HS3ST5: variants seen among roughly 807,000 people sequenced by gnomAD.
The protein encoded by HS3ST5 is heparan sulfate-glucosamine 3-sulfotransferase 5, also known as heparan sulfate glucosamine 3-O-sulfotransferase 5.
Under a neutral mutation model 25.4 loss-of-function variants are expected in HS3ST5, and 10 were observed. The ratio of observed to expected loss-of-function variants is 0.39; its 90% CI spans 0.24 to 0.67. The LOEUF is 0.67. Among genes scored for constraint, HS3ST5 ranks in the 30% least tolerant of loss-of-function variants. The probability of loss-of-function intolerance (pLI) is 0.44; values close to 1 mark genes in which losing one functional copy is unlikely to be tolerated. For synonymous variants in HS3ST5, 170 were observed against 162.4 expected, an observed-to-expected ratio of 1.05 and a Z score of -0.36; for missense variants, 324 against 420.7, an observed-to-expected ratio of 0.77 and a Z score of 2.01.
At chr6:114,154,488 T>C (rs1778605021) in intron 3 of HS3ST5, among the ~76,000 whole-genome samples, 1 of 152,244 alleles carries the variant, frequency 6.6e-6, no homozygotes, top group East Asian at 1.9e-4. Context: ...CAAGACTCCA[T>C]GTCTGTTGTT....
In HS3ST5 at chr6:114,184,268, A is replaced by G. The variant is rs192600868; in HGVS notation, c.-144-15806T>C. Among the ~76,000 whole-genome samples, 13 of 151,876 alleles carry G rather than the reference A, an allele frequency of 8.6e-5. 1 individual carries two copies. The highest frequency in any genetic ancestry group is 7.9e-4 in the Admixed American group (12 of 15,264). On this transcript the variant is annotated intron_variant, in intron 2 of 4. Coordinates refer to ENST00000312719, the MANE Select transcript of HS3ST5 (RefSeq NM_153612.4). Reference sequence around the variant, plus strand: ...CTTATAGTAAAATGTAATAGAGAAAAATGACTTGAAGACAGAATTATTAAG... The same window carrying G: ...CTTATAGTAAAATGTAATAGAGAAAGATGACTTGAAGACAGAATTATTAAG...
chr6:114,290,968 G>A (rs1310432291), intron 1 of HS3ST5, among the ~76,000 whole-genome samples: 3 of 152,002 alleles, frequency 2.0e-5, no homozygotes, highest in African/African-American at 7.3e-5. Flanking sequence ...GTGGAAAACT[G>A]GGGCTGGGAA....
intron 1 of HS3ST5, among the ~76,000 whole-genome samples, chr6:114,232,017 T>C (rs970116888): frequency 6.6e-6 from 1 of 152,228 alleles, no homozygotes; most frequent in African/African-American, 2.4e-5. Context: ...GATTCCTTTT[T>C]TGATTAAGCC....
chr6:114,253,447 A>T (rs1290861813), intron 1 of HS3ST5, among the ~76,000 whole-genome samples: 1 of 152,168 alleles, frequency 6.6e-6, no homozygotes, highest in East Asian at 1.9e-4. Context: ...GGAGTGGGGT[A>T]GGGAGAATCT....
intron 2 of HS3ST5, among the ~76,000 whole-genome samples, chr6:114,206,042 A>G: frequency 6.6e-6 from 1 of 152,062 alleles, no homozygotes; most frequent in Non-Finnish European, 1.5e-5. Context: ...CTCTATTTCT[A>G]TTCCATTTTT....
intron 2 of HS3ST5, among the ~76,000 whole-genome samples, chr6:114,177,555 A>T (rs894547798): frequency 6.6e-6 from 1 of 152,236 alleles, no homozygotes; most frequent in Non-Finnish European, 1.5e-5. Context: ...TTATTTCTAA[A>T]GTATGATGGC....
intron 3 of HS3ST5, among the ~76,000 whole-genome samples, chr6:114,152,256 G>A (rs2114962840): frequency 6.6e-6 from 1 of 152,130 alleles, no homozygotes; most frequent in South Asian, 2.1e-4. Context: ...ATAAATTTCA[G>A]TTTCTATTCT....
intron 3 of HS3ST5, among the ~76,000 whole-genome samples, chr6:114,145,891 T>C (rs185241008): frequency 6.6e-6 from 1 of 152,200 alleles, no homozygotes. Flanking sequence ...TTGTGGTAAG[T>C]GATCTTAATT....
intron 1 of HS3ST5, among the ~76,000 whole-genome samples, chr6:114,277,422 C>A (rs1773908625): frequency 3.6e-5 from 5 of 139,266 alleles, no homozygotes; most frequent in East Asian, 2.6e-4. Context: ...CGGTTTTTGA[C>A]ATTACTTTTA....
At chr6:114,093,515 G>C (rs935352165) in intron 3 of HS3ST5, among the ~76,000 whole-genome samples, 4 of 151,834 alleles carry the variant, frequency 2.6e-5, no homozygotes, top group African/African-American at 7.3e-5. Flanking sequence ...TGATATTACT[G>C]TTCATTTCGC....
chr6:114,164,697 G>A (rs1038550783), intron 3 of HS3ST5, among the ~76,000 whole-genome samples: 1 of 152,034 alleles, frequency 6.6e-6, no homozygotes, highest in Admixed American at 6.6e-5. Flanking sequence ...TGAAATAAAC[G>A]TATATAAGTC....
intron 3 of HS3ST5, among the ~76,000 whole-genome samples, chr6:114,110,431 T>C (rs560041894): frequency 6.6e-6 from 1 of 152,246 alleles, no homozygotes; most frequent in Non-Finnish European, 1.5e-5. Context: ...CATGACTCTG[T>C]GCCCAGGACC....
At chr6:114,063,717 C>A (rs921042287) in intron 3 of HS3ST5, among the ~76,000 whole-genome samples, 2 of 152,160 alleles carry the variant, frequency 1.3e-5, no homozygotes, top group Admixed American at 1.3e-4. Context: ...CGAAGTGATA[C>A]TTACTGAAGT....
At chr6:114,197,909 C>T (rs1469608678) in intron 2 of HS3ST5, among the ~76,000 whole-genome samples, 2 of 152,094 alleles carry the variant, frequency 1.3e-5, no homozygotes, top group South Asian at 4.1e-4. Flanking sequence ...TCCAAAGGAT[C>T]ACACTAGCTC....
chr6:114,129,429 G>T (rs1777220205), intron 3 of HS3ST5, among the ~76,000 whole-genome samples: 1 of 151,834 alleles, frequency 6.6e-6, no homozygotes. Flanking sequence ...CTAATTTTTT[G>T]TATTTTTAGT....
At chr6:114,218,822 T>G (rs1240477692) in intron 2 of HS3ST5, among the ~76,000 whole-genome samples, 1 of 152,310 alleles carries the variant, frequency 6.6e-6, no homozygotes, top group Non-Finnish European at 1.5e-5. Flanking sequence ...AAATCTATTT[T>G]TTTTTGCTTA....
At chr6:114,175,755 T>C (rs1005933448) in intron 2 of HS3ST5, among the ~76,000 whole-genome samples, 1 of 152,224 alleles carries the variant, frequency 6.6e-6, no homozygotes, top group East Asian at 1.9e-4. Flanking sequence ...CAGAATGTTA[T>C]CGTCCACAGC....
At chr6:114,118,330 T>C (rs1317347217) in intron 3 of HS3ST5, among the ~76,000 whole-genome samples, 3 of 152,190 alleles carry the variant, frequency 2.0e-5, no homozygotes, top group Non-Finnish European at 4.4e-5. Context: ...CTGATCTATA[T>C]ATAGTCAGGC....
intron 1 of HS3ST5, among the ~76,000 whole-genome samples, chr6:114,303,139 T>C (rs1345059897): frequency 6.6e-6 from 1 of 152,220 alleles, no homozygotes; most frequent in Non-Finnish European, 1.5e-5. Context: ...GCCTCAACTC[T>C]ACCTAAGCTT....
Sources: allele counts gnomAD v4.1 joint callset (sites outside exome capture counted in the v4.1 genomes callset), GRCh38; gene constraint gnomAD v4.1.1; transcripts MANE v1.5; gene names NCBI Gene and HGNC (gene_info 2026-07-23, HGNC 2026-07-21).